PPP1R12B: variants seen among roughly 807,000 people sequenced by gnomAD.
The protein encoded by PPP1R12B is protein phosphatase 1 regulatory subunit 12B.
A neutral mutation model predicts 126.1 loss-of-function variants in PPP1R12B; 76 were observed. The observed-to-expected ratio is 0.60, with a 90% CI of 0.50 to 0.73. The LOEUF (loss-of-function observed/expected upper bound fraction) is 0.73. Ranked by LOEUF, PPP1R12B falls within the 30% of genes least tolerant of loss-of-function variation. The pLI is 0.00. For synonymous variants in PPP1R12B, 356 were observed against 434.7 expected, an observed-to-expected ratio of 0.82 and a Z score of 2.25; for missense variants, 1,052 against 1,205.1, an observed-to-expected ratio of 0.87 and a Z score of 1.88.
rs1457795778 is a variant in PPP1R12B, at chr1:202,451,891, C to T, written c.1850+2720C>T. Among the ~76,000 whole-genome samples the T allele has an allele frequency of 2.0e-5, 3 of 151,282 alleles. 1 individual carries two copies. Among genetic ancestry groups the T allele is most frequent in the African/African-American group, 7.3e-5 (3 of 41,118 alleles). ...GGACGGGGTGGCTGCTGGGTGGAGA[C>T]GCTCCTCACTTCCCAGACGGGGTGG... On this transcript the variant is annotated intron_variant, in intron 13 of 23. Transcript: ENST00000608999.
intron 22 of PPP1R12B, among the ~76,000 whole-genome samples, chr1:202,568,944 G>A (rs1688326412): frequency 6.6e-6 from 1 of 152,134 alleles, no homozygotes. Flanking sequence ...AGGAGATTTA[G>A]ATAATGTGAT....
In PPP1R12B at chr1:202,588,520, AAACAC is replaced by A. The variant is rs1180239668; in HGVS notation, c.*7965_*7969del. 6.6e-6 allele frequency: 1 copy of A among 152,660 alleles called. No homozygotes were observed. The allele number at this position is 152,660 out of a possible 1,614,324, so 9.5% of individuals were successfully genotyped here. A position where few individuals can be genotyped will look rare whatever the true frequency, so the allele number is the denominator to read the frequency against. On this transcript the variant is annotated 3_prime_UTR_variant, in exon 24 of 24. Coordinates refer to ENST00000608999, the MANE Select transcript of PPP1R12B (RefSeq NM_002481.4). The stretch of plus-strand genomic sequence containing the variant: ...ATATTCACTTCTATATGATGCCTGT[AAACAC>A]AACAGTATTTATAAATGAGTAAATA...
At chr1:202,579,901 G>A (rs1689433827) in intron 23 of PPP1R12B, among the ~76,000 whole-genome samples, 1 of 152,190 alleles carries the variant, frequency 6.6e-6, no homozygotes, top group Admixed American at 6.5e-5. Flanking sequence ...AGTATGACCA[G>A]TGAGAATTTG....
At chr1:202,416,467 G>A (rs1445896933) in intron 1 of PPP1R12B, among the ~76,000 whole-genome samples, 7 of 150,974 alleles carry the variant, frequency 4.6e-5, no homozygotes, top group East Asian at 1.9e-4. Flanking sequence ...CAGAGGTTGC[G>A]GTGAGCTGAG....
chr1:202,586,083 T>C lies in PPP1R12B; in HGVS notation c.*5523T>C, dbSNP rs972000017. The stretch of plus-strand genomic sequence containing the variant: ...CTTTAGTTCCATTGAGCTCCCCCTC[T>C]GGATTTTGGACTTACCAGAAGTAGG... On this transcript the variant is annotated 3_prime_UTR_variant, in exon 24 of 24. Coordinates refer to ENST00000608999, the MANE Select transcript of PPP1R12B (RefSeq NM_002481.4). The C allele has an allele frequency of 2.6e-5, 4 of 152,256 alleles. No individual in the cohort carries two copies. Among genetic ancestry groups the C allele is most frequent in the African/African-American group, 9.6e-5 (4 of 41,464 alleles). The allele number at this position is 152,256 out of a possible 1,614,324, so 9.4% of individuals were successfully genotyped here. A position where few individuals can be genotyped will look rare whatever the true frequency, so the allele number is the denominator to read the frequency against.
At chr1:202,456,618 A>G (rs1476172976) in intron 13 of PPP1R12B, among the ~76,000 whole-genome samples, 1 of 152,182 alleles carries the variant, frequency 6.6e-6, no homozygotes, top group Non-Finnish European at 1.5e-5. Context: ...AGAAATCTCA[A>G]AGGGTTCATG....
At position 202,439,589 on chromosome 1, in the gene PPP1R12B, C is replaced by T. The variant is rs554381964; in HGVS notation, c.1459-1117C>T. The T allele has an allele frequency of 2.6e-4, 312 of 1,184,052 alleles. No homozygotes were observed. The African/African-American group carries it at 3.1e-3, about 12-fold the overall frequency. 73.3% of individuals were successfully genotyped at this position (1,184,052 alleles called of 1,614,324 possible). ...ACTGACCACCCAGGTGGCCGCCACCCCCTCTGTACACCATGGACCCTGCCC... is the reference window on the plus strand; with the variant it reads ...ACTGACCACCCAGGTGGCCGCCACCTCCTCTGTACACCATGGACCCTGCCC... On this transcript the variant is annotated intron_variant, in intron 10 of 23. Coordinates refer to ENST00000608999, the MANE Select transcript of PPP1R12B (RefSeq NM_002481.4).
intron 1 of PPP1R12B, among the ~76,000 whole-genome samples, chr1:202,400,218 G>A (rs932230125): frequency 8.5e-5 from 13 of 152,166 alleles, no homozygotes; most frequent in African/African-American, 2.9e-4. Context: ...CACATAACTA[G>A]GAGATTTCTA....
chr1:202,577,325 GTCCAAAATAAAAGTTTTATTGGAACT>G (rs1689179142), intron 23 of PPP1R12B: 3 of 152,186 alleles, frequency 2.0e-5, no homozygotes, highest in Non-Finnish European at 4.4e-5. Context: ...AAATTTCAAT[GTCCAAAATAAAAGTTTTATTGGAACT>G]GAACCAAACT....
chr1:202,476,713 A>G (rs2148808745), intron 13 of PPP1R12B, among the ~76,000 whole-genome samples: 3 of 152,028 alleles, frequency 2.0e-5, no homozygotes, highest in African/African-American at 7.2e-5. Flanking sequence ...TTTTAGTAAG[A>G]CATATACTAC....
At chr1:202,517,599 C>T (rs975099186) in intron 18 of PPP1R12B, among the ~76,000 whole-genome samples, 9 of 150,764 alleles carry the variant, frequency 6.0e-5, no homozygotes, top group African/African-American at 1.5e-4. Context: ...TACTGGTGTT[C>T]GAAACTATAA....
rs1053302799 is a variant in PPP1R12B, at chr1:202,586,724, G to C, written c.*6164G>C. On this transcript the variant is annotated 3_prime_UTR_variant, in exon 24 of 24. Coordinates refer to ENST00000608999, the MANE Select transcript of PPP1R12B (RefSeq NM_002481.4). ...CTTCTCCTTTGAGAGTTGGGGTTGAGGGCAAACATAGAACCCAGGTTTGGC... is the reference window on the plus strand; with the variant it reads ...CTTCTCCTTTGAGAGTTGGGGTTGACGGCAAACATAGAACCCAGGTTTGGC... 2.6e-5 allele frequency: 4 copies of C among 152,230 alleles called. No homozygotes were observed. Among genetic ancestry groups the C allele is most frequent in the African/African-American group, 7.2e-5 (3 of 41,458 alleles). 9.4% of individuals were successfully genotyped at this position (152,230 alleles called of 1,614,324 possible).
At chr1:202,532,236 A>G (rs983415843) in intron 18 of PPP1R12B, among the ~76,000 whole-genome samples, 21 of 152,208 alleles carry the variant, frequency 1.4e-4, no homozygotes, top group African/African-American at 5.1e-4. Flanking sequence ...ATAATGAGTC[A>G]TGAGGACGAA....
intron 18 of PPP1R12B, among the ~76,000 whole-genome samples, chr1:202,541,113 A>G (rs1179231315): frequency 1.3e-5 from 2 of 152,232 alleles, no homozygotes; most frequent in Non-Finnish European, 2.9e-5. Flanking sequence ...TTACTTTTTC[A>G]GGAACTAGAT....
chr1:202,450,303 G>C (rs1351880784), intron 13 of PPP1R12B, among the ~76,000 whole-genome samples: 1 of 152,214 alleles, frequency 6.6e-6, no homozygotes, highest in African/African-American at 2.4e-5. Context: ...GAGAAGTTAT[G>C]AGAGAATATT....
intron 1 of PPP1R12B, among the ~76,000 whole-genome samples, chr1:202,386,890 A>G (rs1232000205): frequency 6.6e-6 from 1 of 152,172 alleles, no homozygotes; most frequent in African/African-American, 2.4e-5. Context: ...AAAATAATGG[A>G]ATTACACAAC....
At chr1:202,546,694 A>G (rs1352400164) in intron 18 of PPP1R12B, among the ~76,000 whole-genome samples, 4 of 152,180 alleles carry the variant, frequency 2.6e-5, no homozygotes, top group Admixed American at 6.6e-5. Context: ...CACTTTGGAT[A>G]TGTTAAATTA....
At chr1:202,389,577 C>T (rs995672845) in intron 1 of PPP1R12B, among the ~76,000 whole-genome samples, 2 of 150,906 alleles carry the variant, frequency 1.3e-5, no homozygotes, top group African/African-American at 2.4e-5. Flanking sequence ...GGAGGTGGAG[C>T]TTGCAGTGAG....
intron 21 of PPP1R12B, 129 bp from the exon 22 acceptor site, chr1:202,567,649 T>C: frequency 1.1e-6 from 1 of 902,238 alleles, no homozygotes; most frequent in Middle Eastern, 2.9e-4. Flanking sequence ...TGGGGATCCC[T>C]GCTATAGGGG....
Sources: allele counts gnomAD v4.1 joint callset (sites outside exome capture counted in the v4.1 genomes callset), GRCh38; gene constraint gnomAD v4.1.1; transcripts MANE v1.5; gene names NCBI Gene and HGNC (gene_info 2026-07-23, HGNC 2026-07-21).